Variants in LAG3 observed in about 807,000 individuals in gnomAD.
LAG3 encodes the protein lymphocyte activation gene 3 protein.
A neutral mutation model predicts 49.0 loss-of-function variants in LAG3; 29 were observed. The ratio of observed to expected loss-of-function variants is 0.59; its 90% CI spans 0.44 to 0.81. The LOEUF is 0.81. Among genes scored for constraint, LAG3 ranks in the 30% least tolerant of loss-of-function variants. LAG3 has a pLI of 0.00. For synonymous variants in LAG3, 320 were observed against 297.3 expected (o/e 1.08, Z -0.79); for missense variants, 693 against 695.2 (o/e 1.00, Z 0.04).
chr12:6,774,834 G>C lies in LAG3; in HGVS notation c.751G>C (p.Val251Leu), dbSNP rs141083491. ...CCTCACCTACAGAGATGGCTTCAAC[G>C]TCTCCATCATGTATAACCTCACTGT... Reference protein sequence around the residue: ...CILTYRDGFNVSIMYNLTVLG... With the variant: ...CILTYRDGFNLSIMYNLTVLG... Residue 251 changes from valine (V) to leucine (L), a missense_variant, in exon 4 of 8, where the codon GTC becomes CTC. Transcript: ENST00000203629. The C allele has an allele frequency of 1.2e-6, 2 of 1,614,022 alleles. No homozygotes were observed. The highest frequency in any genetic ancestry group is 1.7e-6 in the Non-Finnish European group (2 of 1,179,968).
intron 5 of LAG3, among the ~76,000 whole-genome samples, chr12:6,776,446 G>T (rs1260723057): frequency 6.6e-6 from 1 of 152,100 alleles, no homozygotes; most frequent in Non-Finnish European, 1.5e-5. Context: ...TTATGTAGAC[G>T]GCTCAATGAG....
At chr12:6,775,653 G>A (rs1224048858) in intron 5 of LAG3, 105 bp downstream of exon 5, 4 of 1,129,426 alleles carry the variant, frequency 3.5e-6, no homozygotes, top group Admixed American at 2.2e-5. Context: ...GTGATGCCAG[G>A]CCACTGGGCA....
Position 6,778,331 on chromosome 12 carries a change from G to A in LAG3, c.1519G>A (p.Glu507Lys), listed in dbSNP as rs566439838. The A allele has an allele frequency of 1.2e-5, 19 of 1,612,930 alleles. No homozygotes were observed. The East Asian group carries it at 1.6e-4, about 13-fold the overall frequency. Reference sequence around the variant, plus strand: ...GATAGAGGAGCTGGAGCAAGAACCGGAGCCGGAGCCGGAGCCGGAACCGGA... The same window carrying A: ...GATAGAGGAGCTGGAGCAAGAACCGAAGCCGGAGCCGGAGCCGGAACCGGA... ...SKIEELEQEP[E>K]PEPEPEPEPE... Residue 507 changes from glutamate (E) to lysine (K), a missense_variant, in exon 8 of 8, where the codon GAG becomes AAG. By Grantham distance (56) the Glu-to-Lys change is moderately conservative (BLOSUM62 1). Coordinates refer to ENST00000203629, the MANE Select transcript of LAG3 (RefSeq NM_002286.6).
chr12:6,775,492 A>G lies in LAG3; in HGVS notation c.1001A>G (p.His334Arg). 1 of 1,614,200 alleles carries G rather than the reference A, an allele frequency of 6.2e-7. No homozygotes were observed. The stretch of plus-strand genomic sequence containing the variant: ...GCCCAGGCTGGGACCTACACCTGCC[A>G]TATCCATCTGCAGGAACAGCAGCTC... ...SQAQAGTYTC[H>R]IHLQEQQLNA... is the part of the protein sequence containing the mutation. The change falls in exon 5 of 8, where the codon CAT becomes CGT. Residue 334 changes from histidine (H) to arginine (R), a missense_variant. Transcript: ENST00000203629.
In LAG3 at chr12:6,777,437, C is replaced by A. The variant is rs1941919661; in HGVS notation, c.1231C>A (p.Gln411Lys). Reference protein sequence around the residue: ...QEAQLLSQPWQCQLYQGERLL... With the variant: ...QEAQLLSQPWKCQLYQGERLL... ...GGCCCAGCTCCTTTCCCAGCCTTGG[C>A]AATGCCAGCTGTACCAGGGGGAGAG... is the stretch of plus-strand genomic sequence containing the variant. The change falls in exon 6 of 8, where the codon CAA becomes AAA. Residue 411 changes from glutamine (Q) to lysine (K), a missense_variant. Transcript: ENST00000203629. The A allele has an allele frequency of 6.2e-7, 1 of 1,614,090 alleles. No individual in the cohort carries two copies. The highest frequency in any genetic ancestry group is 1.3e-5 in the African/African-American group (1 of 74,938).
chr12:6,778,345 G>GACGGAA lies in LAG3; in HGVS notation c.1533_1534insACGGAA (p.Glu511_Pro512insThrGlu). On this transcript the variant is annotated inframe_insertion, in exon 8 of 8. Coordinates refer to ENST00000203629, the MANE Select transcript of LAG3 (RefSeq NM_002286.6). Reference sequence around the variant, plus strand: ...AGCAAGAACCGGAGCCGGAGCCGGAGCCGGAACCGGAGCCCGAGCCCGAGC... The same window carrying GACGGAA: ...AGCAAGAACCGGAGCCGGAGCCGGAGACGGAACCGGAACCGGAGCCCGAGCCCGAGC... The GACGGAA allele has an allele frequency of 6.2e-7, 1 of 1,610,102 alleles. No homozygotes were observed. Among genetic ancestry groups the GACGGAA allele is most frequent in the Non-Finnish European group, 8.5e-7 (1 of 1,179,486 alleles).
Position 6,773,937 on chromosome 12 carries a change from C to T in LAG3, c.447C>T (p.Ala149=), listed in dbSNP as rs1208903459. 7.1e-6 allele frequency: 10 copies of T among 1,405,754 alleles called. No individual in the cohort carries two copies. The highest frequency in any genetic ancestry group is 6.1e-5 in the South Asian group (4 of 65,966). 87.1% of individuals were successfully genotyped at this position (1,405,754 alleles called of 1,614,324 possible). A position where few individuals can be genotyped will look rare whatever the true frequency, so the allele number is the denominator to read the frequency against. ...ARRADAGEYR[A]AVHLRDRALS... is the part of the protein sequence containing the mutation. ...GCGCGGACGCCGGCGAGTACCGCGC[C>T]GCGGTGCACCTCAGGGACCGCGCCC... The change falls in exon 3 of 8, where the codon GCC becomes GCT. Residue 149 remains alanine, a synonymous_variant. Coordinates refer to ENST00000203629, the MANE Select transcript of LAG3 (RefSeq NM_002286.6). This position sits in a 1 kb window ranked among gnomAD's most constrained non-coding sequence, Gnocchi z 5.5.
At chr12:6,775,249 C>CTT (rs1471334051) in intron 4 of LAG3, 24 bp from the exon 5 acceptor site, 1 of 1,603,712 alleles carries the variant, frequency 6.2e-7, no homozygotes, top group Non-Finnish European at 8.5e-7. Flanking sequence ...CCAGCTTTAA[C>CTT]TTTGGGTTTT....
In LAG3 at chr12:6,774,764, C is replaced by G. The variant is rs1216333325; in HGVS notation, c.681C>G (p.Phe227Leu). 1 of 1,614,192 alleles carries G rather than the reference C, an allele frequency of 6.2e-7. No homozygotes were observed. The highest frequency in any genetic ancestry group is 2.2e-5 in the East Asian group (1 of 44,884). ...ACCACTTAGCGGAAAGCTTCCTCTT[C>G]CTGCCCCAAGTCAGCCCCATGGACT... Reference protein sequence around the residue: ...PHHHLAESFLFLPQVSPMDSG... With the variant: ...PHHHLAESFLLLPQVSPMDSG... The change falls in exon 4 of 8, where the codon TTC (phenylalanine) becomes TTG (leucine). Residue 227 changes from phenylalanine to leucine, a missense_variant. Coordinates refer to ENST00000203629, the MANE Select transcript of LAG3 (RefSeq NM_002286.6).
At position 6,773,017 on chromosome 12, in the gene LAG3, C is replaced by T; in HGVS notation, c.58+107C>T. On this transcript the variant is annotated intron_variant, in intron 1 of 7. Coordinates refer to ENST00000203629, the MANE Select transcript of LAG3 (RefSeq NM_002286.6). This position sits in a 1 kb window ranked among gnomAD's most constrained non-coding sequence, Gnocchi z 5.5. ...GAGGTCCTTAGCTCTGTGGATTCTT[C>T]TAATCCCTTTTTTGGGCAGTCCTTC... 1 of 1,402,650 alleles carries T rather than the reference C, an allele frequency of 7.1e-7. No homozygotes were observed. Among genetic ancestry groups the T allele is most frequent in the South Asian group, 1.2e-5 (1 of 83,772 alleles). 86.9% of individuals were successfully genotyped at this position (1,402,650 alleles called of 1,614,324 possible).
intron 5 of LAG3, among the ~76,000 whole-genome samples, 172 bp from the exon 6 acceptor site, chr12:6,777,092 A>T (rs1941914295): frequency 6.6e-6 from 1 of 152,234 alleles, no homozygotes; most frequent in African/African-American, 2.4e-5. Context: ...ATTTAATAAA[A>T]AAATAAATAG....
rs7342333 is a variant in LAG3 at position 6,772,669 on chromosome 12, G to A, written c.-184G>A. The stretch of plus-strand genomic sequence containing the variant: ...GCTTTCCAGCTTTCCTCTGGATTCC[G>A]GCCTCTGGTCATCCCTCCCCACCCT... On this transcript the variant is annotated 5_prime_UTR_variant, in exon 1 of 8. Coordinates refer to ENST00000203629, the MANE Select transcript of LAG3 (RefSeq NM_002286.6). 0.018 allele frequency: 7,299 copies of A among 411,528 alleles called. 332 individuals carry two copies. Among genetic ancestry groups the A allele is most frequent in the African/African-American group, 0.12 (5,613 of 46,278 alleles). The allele number at this position is 411,528 out of a possible 1,614,324, so 25.5% of individuals were successfully genotyped here.
rs1473651117 is a variant in LAG3, at chr12:6,773,607, G to A, written c.207-90G>A. The A allele has an allele frequency of 9.1e-6, 12 of 1,323,830 alleles. No individual in the cohort carries two copies. The highest frequency in any genetic ancestry group is 2.7e-4 in the Middle Eastern group (1 of 3,650). 82.0% of individuals were successfully genotyped at this position (1,323,830 alleles called of 1,614,324 possible). A position where few individuals can be genotyped will look rare whatever the true frequency, so the allele number is the denominator to read the frequency against. ...TGGTGGTCAAGAGAACTCTTGGGGCGGGCTTTCTCATCCTCAACGGGTGGC... is the reference window on the plus strand; with the variant it reads ...TGGTGGTCAAGAGAACTCTTGGGGCAGGCTTTCTCATCCTCAACGGGTGGC... On this transcript the variant is annotated intron_variant, in intron 2 of 7. Transcript: ENST00000203629. This position sits in a 1 kb window ranked among gnomAD's most constrained non-coding sequence, Gnocchi z 5.5.
chr12:6,774,135 G>A (rs1941876538), intron 3 of LAG3, 134 bp downstream of exon 3: 1 of 1,308,948 alleles, frequency 7.6e-7, no homozygotes, highest in Admixed American at 3.9e-5. Context: ...GTAGAGGAAG[G>A]GGGTGGGCGG....
rs201021692 is a variant in LAG3 at position 6,775,423 on chromosome 12, G to C, written c.932G>C (p.Gly311Ala). 6.9e-5 allele frequency: 112 copies of C among 1,614,190 alleles called. 1 individual carries two copies. The East Asian group carries it at 1.8e-3, about 26-fold the overall frequency. ...PGGGPDLLVT[G>A]DNGDFTLRLE... The stretch of plus-strand genomic sequence containing the variant: ...GGAGGCCCTGACCTCCTGGTGACTG[G>C]AGACAATGGCGACTTTACCCTTCGA... Residue 311 changes from glycine to alanine, a missense_variant, in exon 5 of 8, where the codon GGA becomes GCA. Transcript: ENST00000203629.
intron 3 of LAG3, among the ~76,000 whole-genome samples, chr12:6,774,328 G>A (rs1382370302): frequency 2.0e-5 from 3 of 152,324 alleles, no homozygotes; most frequent in East Asian, 3.9e-4. Flanking sequence ...TGGGCTTCGC[G>A]GGGTTCCAGG....
Position 6,772,798 on chromosome 12 carries a change from T to G in LAG3, c.-55T>G. ...CCCCCCACCCCCCACCACTGCCCCC[T>G]TTCCTTTTCTGACCTCCTTTTGGAG... On this transcript the variant is annotated 5_prime_UTR_variant, in exon 1 of 8. Transcript: ENST00000203629. The G allele has an allele frequency of 2.0e-4, 87 of 433,786 alleles. No homozygotes were observed. Among genetic ancestry groups the G allele is most frequent in the Non-Finnish European group, 2.6e-4 (71 of 277,602 alleles). 26.9% of individuals were successfully genotyped at this position (433,786 alleles called of 1,614,324 possible).
Position 6,773,206 on chromosome 12 carries a change from C to T in LAG3, c.73C>T (p.Pro25Ser), listed in dbSNP as rs146038483. 1.1e-4 allele frequency: 177 copies of T among 1,611,182 alleles called. No homozygotes were observed. The Admixed American group carries it at 1.7e-3, about 15-fold the overall frequency. ...TGCTCACCTAGTGAAGCCTCTCCAG[C>T]CAGGGGCTGAGGTCCCGGTGGTGTG... ...LWVAPVKPLQ[P>S]GAEVPVVWAQ... is the part of the protein sequence containing the mutation. Residue 25 changes from proline to serine, a missense_variant, in exon 2 of 8, where the codon CCA (proline) becomes TCA (serine). By Grantham distance (74) the Pro-to-Ser change is moderately conservative (BLOSUM62 -1). Transcript: ENST00000203629. The surrounding 1 kb of genome is among the most constrained non-coding windows in gnomAD (Gnocchi z 5.5).
At chr12:6,778,092 G>T in intron 7 of LAG3, 152 bp from the exon 8 acceptor site, 1 of 1,310,468 alleles carries the variant, frequency 7.6e-7, no homozygotes, top group East Asian at 2.5e-5. Flanking sequence ...TGCCTGGGTA[G>T]GCTGGAAGGG....
Sources: allele counts gnomAD v4.1 joint callset (sites outside exome capture counted in the v4.1 genomes callset), GRCh38; gene constraint gnomAD v4.1.1; non-coding constraint Gnocchi (gnomAD v3.1); transcripts MANE v1.5; gene names NCBI Gene and HGNC (gene_info 2026-07-23, HGNC 2026-07-21).